MCM9: variants seen among roughly 807,000 people sequenced by gnomAD.
MCM9 encodes the protein minichromosome maintenance 9 homologous recombination repair factor, also known as DNA helicase MCM9.
Under a neutral mutation model 72.8 loss-of-function variants are expected in MCM9, and 55 were observed. The observed-to-expected ratio is 0.76, with a 90% CI of 0.61 to 0.95. MCM9 has a LOEUF of 0.95. Ranked by LOEUF, MCM9 falls within the 40% of genes least tolerant of loss-of-function variation. The pLI is 0.00. For synonymous variants in MCM9, 480 were observed against 503.4 expected (o/e 0.95, Z 0.62); for missense variants, 1,279 against 1,377.0 (o/e 0.93, Z 1.13).
chr6:118,845,564 C>A (rs1775806148), intron 9 of MCM9, among the ~76,000 whole-genome samples: 1 of 151,802 alleles, frequency 6.6e-6, no homozygotes, highest in South Asian at 2.1e-4. Flanking sequence ...TTTTTCAATT[C>A]CACTGGAGAA....
intron 7 of MCM9, 92 bp from the exon 8 acceptor site, chr6:118,911,861 A>G: frequency 1.1e-6 from 1 of 912,996 alleles, no homozygotes; most frequent in East Asian, 2.5e-5. Context: ...TTTACTGTGT[A>G]CTTTTACATA....
At chr6:118,933,964 CAAAAAA>C (rs58109173) in intron 1 of MCM9, among the ~76,000 whole-genome samples, 3 of 100,302 alleles carry the variant, frequency 3.0e-5, no homozygotes, top group African/African-American at 6.9e-5. Context: ...GGACTTTGCC[CAAAAAA>C]AAAAAAAAAA....
intron 9 of MCM9, among the ~76,000 whole-genome samples, chr6:118,846,742 T>G (rs1301710548): frequency 6.6e-6 from 1 of 151,768 alleles, no homozygotes; most frequent in Non-Finnish European, 1.5e-5. Flanking sequence ...AAAACACTAT[T>G]AAGTAAAATG....
chr6:118,825,292 T>C (rs1391828333), intron 13 of MCM9, among the ~76,000 whole-genome samples: 1 of 152,224 alleles, frequency 6.6e-6, no homozygotes, highest in African/African-American at 2.4e-5. Context: ...AGTGCAAGTT[T>C]ACTGCAGTCT....
chr6:118,899,583 T>C (rs9489537), intron 8 of MCM9, among the ~76,000 whole-genome samples: 14,903 of 152,210 alleles, frequency 0.098, 1,145 homozygotes, highest in African/African-American at 0.2. Context: ...TAGAAATGGT[T>C]TAGTTCTAGG....
At chr6:118,844,594 G>A (rs999487854) in intron 9 of MCM9, among the ~76,000 whole-genome samples, 8 of 151,632 alleles carry the variant, frequency 5.3e-5, no homozygotes, top group East Asian at 1.9e-4. Flanking sequence ...AACAGATCAC[G>A]TAATTGGTGA....
rs142270970 is a variant in MCM9 at position 118,845,044 on chromosome 6, G to A, written c.1325+11327C>T. Among the ~76,000 whole-genome samples the A allele has an allele frequency of 1.8e-3, 278 of 151,782 alleles. 5 individuals are homozygous for A. The highest frequency in any genetic ancestry group is 0.01 in the South Asian group (50 of 4,818). ...CAGCCAATCAATGAACTAGCCAGGA[G>A]TCTAGAGTTGGTCTTGCATAAATCT... On this transcript the variant is annotated intron_variant, in intron 9 of 13. Coordinates refer to ENST00000619706, the MANE Select transcript of MCM9 (RefSeq NM_017696.3).
chr6:118,891,349 C>T (rs1432750737), intron 8 of MCM9, among the ~76,000 whole-genome samples: 1 of 152,134 alleles, frequency 6.6e-6, no homozygotes, highest in Non-Finnish European at 1.5e-5. Context: ...AAGCTTAATT[C>T]TGAGGGGAAA....
chr6:118,873,939 T>C (rs1777773765), intron 8 of MCM9, among the ~76,000 whole-genome samples: 1 of 152,186 alleles, frequency 6.6e-6, no homozygotes, highest in Non-Finnish European at 1.5e-5. Context: ...GTGTGATTTA[T>C]CCTAGGTATA....
At chr6:118,884,176 T>C (rs2114407943) in intron 8 of MCM9, among the ~76,000 whole-genome samples, 1 of 152,342 alleles carries the variant, frequency 6.6e-6, no homozygotes, top group South Asian at 2.1e-4. Context: ...TAACAAACTC[T>C]TGCTCTTCCT....
chr6:118,900,987 C>A, intron 8 of MCM9: 1 of 772,924 alleles, frequency 1.3e-6, no homozygotes, highest in Non-Finnish European at 2.2e-6. Context: ...TAAAGAACTG[C>A]TTCTGCTGCA....
intron 8 of MCM9, chr6:118,909,274 TCTGA>T (rs1780370611): frequency 1.3e-5 from 2 of 152,230 alleles, no homozygotes; most frequent in African/African-American, 4.8e-5. Context: ...GAGTTTTTAT[TCTGA>T]CTAATTATAA....
chr6:118,911,419 ATG>A, intron 8 of MCM9: 5 of 1,263,700 alleles, frequency 4.0e-6, no homozygotes, highest in Non-Finnish European at 5.0e-6. Flanking sequence ...TCACTAGAGA[ATG>A]AGAAAATTGA....
chr6:118,910,764 G>T (rs1780485220), intron 8 of MCM9: 1 of 985,358 alleles, frequency 1.0e-6, no homozygotes. Context: ...CTTGTCAATG[G>T]TTAATATACT....
intron 3 of MCM9, among the ~76,000 whole-genome samples, chr6:118,930,319 A>G (rs865826076): frequency 2.6e-5 from 4 of 152,014 alleles, no homozygotes; most frequent in South Asian, 4.1e-4. Context: ...TCACCGTGTT[A>G]GCCAGGATGG....
chr6:118,894,078 A>T, intron 8 of MCM9: 1 of 1,099,142 alleles, frequency 9.1e-7, no homozygotes, highest in Non-Finnish European at 1.1e-6. Flanking sequence ...GCCGCAGTTA[A>T]AGTTTCCGAG....
chr6:118,844,578 G>A (rs929739609), intron 9 of MCM9, among the ~76,000 whole-genome samples: 4 of 151,668 alleles, frequency 2.6e-5, no homozygotes, highest in African/African-American at 9.7e-5. Context: ...AACTTAAATG[G>A]AAGAAAACAG....
chr6:118,925,838 T>C (rs1260961530), intron 3 of MCM9, among the ~76,000 whole-genome samples: 1 of 152,188 alleles, frequency 6.6e-6, no homozygotes, highest in Non-Finnish European at 1.5e-5. Context: ...GAATATATAT[T>C]GTAATACATC....
chr6:118,815,803 T>C lies in MCM9; in HGVS notation c.2453A>G (p.Asn818Ser). 6.5e-7 allele frequency: 1 copy of C among 1,539,258 alleles called. No homozygotes were observed. The highest frequency in any genetic ancestry group is 1.7e-4 in the Middle Eastern group (1 of 5,994). Residue 818 changes from asparagine (N) to serine (S), a missense_variant, in exon 14 of 14, where the codon AAC (asparagine) becomes AGC (serine). By Grantham distance (46) the Asn-to-Ser change is conservative. Transcript: ENST00000619706. ...VPWRADNVESNKKKRLALDSE... is the reference protein window; with the variant it reads ...VPWRADNVESSKKKRLALDSE... ...ATCTAGTGCTAGCCTTTTTTTCTTG[T>C]TACTTTCCACATTGTCTGCCCTCCA...
Sources: gnomAD v4.1 joint callset for allele counts (sites outside exome capture counted in the v4.1 genomes callset) on GRCh38, gnomAD v4.1.1 for gene constraint, MANE v1.5 for transcripts, NCBI Gene and HGNC (gene_info 2026-07-23, HGNC 2026-07-21) for gene names.